The following HESX1 variants were observed in gnomAD, a reference collection of about 807,000 sequenced individuals.
HESX1 encodes homeobox expressed in ES cells 1.
Under a neutral mutation model 22.5 loss-of-function variants are expected in HESX1, and 11 were observed. That is an observed-to-expected ratio of 0.49 (90% CI 0.31 to 0.81). HESX1 has a LOEUF of 0.81. Among genes scored for constraint, HESX1 ranks in the 30% least tolerant of loss-of-function variants. The probability of loss-of-function intolerance (pLI) is 0.05; values close to 1 mark genes in which losing one functional copy is unlikely to be tolerated. For missense variants in HESX1, 201 were observed against 212.6 expected, an observed-to-expected ratio of 0.95 and a Z score of 0.34; for synonymous variants, 74 against 76.5, an observed-to-expected ratio of 0.97 and a Z score of 0.17.
At position 57,199,815 on chromosome 3, in the gene HESX1, C is replaced by CA. The variant is rs2060473533; in HGVS notation, c.103dup (p.Cys35LeufsTer23). ...CCTGTGGGGTTTCATTAATGGAACA[C>CA]AGTCTTTCTTCTGGTCCAGTCCTAA... On this transcript the variant is annotated frameshift_variant, in exon 1 of 4. Transcript: ENST00000295934. LOFTEE classifies it high-confidence loss of function. The CA allele has an allele frequency of 1.2e-6, 2 of 1,613,932 alleles. No homozygotes were observed. The highest frequency in any genetic ancestry group is 2.7e-5 in the African/African-American group (2 of 74,894).
intron 1 of HESX1, among the ~76,000 whole-genome samples, chr3:57,206,169 T>C (rs1430031502): frequency 3.3e-5 from 5 of 152,018 alleles, no homozygotes; most frequent in Admixed American, 6.6e-5. Context: ...CCAGCCTGGG[T>C]GACAGAGCGA....
At position 57,198,943 on chromosome 3, in the gene HESX1, C is replaced by T. The variant is rs1579347954; in HGVS notation, c.167G>A (p.Gly56Asp). The T allele has an allele frequency of 1.2e-6, 2 of 1,614,020 alleles. No individual in the cohort carries two copies. Among genetic ancestry groups the T allele is most frequent in the Non-Finnish European group, 1.7e-6 (2 of 1,179,948 alleles). The change falls in exon 2 of 4, where the codon GGT (glycine) becomes GAT (aspartate). Residue 56 changes from glycine to aspartate, a missense_variant. Physicochemically the swap from Gly to Asp is moderately conservative, Grantham distance 94. Coordinates refer to ENST00000295934, the MANE Select transcript of HESX1 (RefSeq NM_003865.3). The stretch of plus-strand genomic sequence containing the variant: ...ATTTGGGACATGTAGACATAAGTTA[C>T]CATCTTTCCCTAAAAACAAAAAAAT... Reference protein sequence around the residue: ...ADTCSSSGKDGNLCLHVPNPP... With the variant: ...ADTCSSSGKDDNLCLHVPNPP...
upstream of HESX1, among the ~76,000 whole-genome samples, chr3:57,202,288 A>C (rs1395727546): frequency 6.6e-6 from 1 of 152,116 alleles, no homozygotes; most frequent in Non-Finnish European, 1.5e-5. Context: ...TTATCTAAAA[A>C]TGTGAGGGAA....
rs547767155 is a variant in HESX1, at chr3:57,213,345, A to T, written c.-111+12951T>A. Among the ~76,000 whole-genome samples, 26 of 152,306 alleles carry T rather than the reference A, an allele frequency of 1.7e-4. No homozygotes were observed. The South Asian group carries it at 3.7e-3, about 22-fold the overall frequency. On this transcript the variant is annotated intron_variant, in intron 1 of 2. Coordinates refer to the HESX1 transcript ENST00000495160. Reference sequence around the variant, plus strand: ...CCATATTTCCTTCTAAGAAATCTTTACCAGTGAACACTCTCATCCAGTCAA... The same window carrying T: ...CCATATTTCCTTCTAAGAAATCTTTTCCAGTGAACACTCTCATCCAGTCAA...
At chr3:57,217,672 C>T (rs962106590) in intron 1 of HESX1, among the ~76,000 whole-genome samples, 5 of 152,106 alleles carry the variant, frequency 3.3e-5, no homozygotes, top group African/African-American at 1.2e-4. Context: ...GAGACTCTGC[C>T]TCAGGCTTCC....
At chr3:57,212,932 T>C (rs764500989) in intron 1 of HESX1, among the ~76,000 whole-genome samples, 2 of 152,120 alleles carry the variant, frequency 1.3e-5, no homozygotes, top group Non-Finnish European at 2.9e-5. Flanking sequence ...CCTAATGCTA[T>C]CCCTCCTCCA....
Position 57,198,099 on chromosome 3 carries a change from A to C in HESX1, c.*98T>G. The C allele has an allele frequency of 1.2e-6, 1 of 805,940 alleles. No individual in the cohort carries two copies. The highest frequency in any genetic ancestry group is 2.1e-6 in the Non-Finnish European group (1 of 471,702). The allele number at this position is 805,940 out of a possible 1,614,324, so 49.9% of individuals were successfully genotyped here. The stretch of plus-strand genomic sequence containing the variant: ...AGAAAAAATGACAATATTCAGATTA[A>C]ATGCAGGAAAGAAAACATCACATTT... On this transcript the variant is annotated 3_prime_UTR_variant, in exon 4 of 4. Coordinates refer to ENST00000295934, the MANE Select transcript of HESX1 (RefSeq NM_003865.3).
intron 1 of HESX1, among the ~76,000 whole-genome samples, chr3:57,218,208 C>T (rs1214584220): frequency 6.6e-6 from 1 of 152,088 alleles, no homozygotes; most frequent in Non-Finnish European, 1.5e-5. Flanking sequence ...CTCCCAGGTA[C>T]TAAGCCTAGC....
intron 1 of HESX1, among the ~76,000 whole-genome samples, chr3:57,211,217 CAAA>C (rs1331625270): frequency 2.3e-5 from 2 of 88,192 alleles, no homozygotes; most frequent in African/African-American, 4.3e-5. Flanking sequence ...AACTCCATCT[CAAA>C]AAAAAAAAAA....
rs1321483083 is a variant in HESX1, at chr3:57,198,408, C to T, written c.442G>A (p.Glu148Lys). ...AAAATTACCTGGATTCTGTCTTCCT[C>T]TAGATTCAATTTTTGAGCTAAGTCT... ...REDLAQKLNL[E>K]EDRIQIWFQN... The change falls in exon 3 of 4, where the codon GAG becomes AAG. Residue 148 changes from glutamate to lysine, a missense_variant. Transcript: ENST00000295934. 2 of 1,601,178 alleles carry T rather than the reference C, an allele frequency of 1.2e-6. No individual in the cohort carries two copies. Among genetic ancestry groups the T allele is most frequent in the East Asian group, 2.2e-5 (1 of 44,690 alleles).
At chr3:57,226,569 A>C (rs2060646490), upstream of HESX1, 1 of 152,252 alleles carries the variant, frequency 6.6e-6, no homozygotes, top group Non-Finnish European at 1.5e-5. Flanking sequence ...AACTTTAAAA[A>C]TATAATTTTA....
At position 57,199,973 on chromosome 3, in the gene HESX1, G is replaced by T. The variant is rs549020276; in HGVS notation, c.-55C>A. 7 of 1,523,482 alleles carry T rather than the reference G, an allele frequency of 4.6e-6. No homozygotes were observed. The African/African-American group carries it at 6.8e-5, about 15-fold the overall frequency. 94.4% of individuals were successfully genotyped at this position (1,523,482 alleles called of 1,614,324 possible). On this transcript the variant is annotated 5_prime_UTR_variant, in exon 1 of 4. Transcript: ENST00000295934. The stretch of plus-strand genomic sequence containing the variant: ...CTGGCCTCTGCTGGCTCTGCCCCAC[G>T]TGTATAGGGCTGGGATCTTCCTGCA...
chr3:57,216,744 C>G (rs1286884060), intron 1 of HESX1, among the ~76,000 whole-genome samples: 6 of 152,138 alleles, frequency 3.9e-5, no homozygotes, highest in African/African-American at 1.4e-4. Context: ...TTTGATATGT[C>G]CCATTACTGG....
At chr3:57,201,793 CTTT>C (rs1199985453), upstream of HESX1, among the ~76,000 whole-genome samples, 16 of 151,810 alleles carry the variant, frequency 1.1e-4, no homozygotes, top group Admixed American at 2.0e-4. Flanking sequence ...TCAACTTCTT[CTTT>C]ATTAACAAAG....
chr3:57,208,623 T>G lies in HESX1; in HGVS notation c.-110-8595A>C, dbSNP rs112528276. 1.2e-3 allele frequency among the ~76,000 whole-genome samples: 187 copies of G among 149,612 alleles called. 1 individual carries two copies. The highest frequency in any genetic ancestry group is 4.4e-3 in the African/African-American group (179 of 40,956). On this transcript the variant is annotated intron_variant, in intron 1 of 2. Transcript: ENST00000495160. ...CCTTGGCCTCCCAAAGTGCTGAGAT[T>G]ACAGGCGTGAGCCACGGTGCCCGGA...
Position 57,198,137 on chromosome 3 carries a change from TTTCCACTGATTC to T in HESX1, c.*48_*59del. 9.5e-7 allele frequency: 1 copy of T among 1,050,744 alleles called. No homozygotes were observed. Among genetic ancestry groups the T allele is most frequent in the Non-Finnish European group, 1.5e-6 (1 of 673,734 alleles). The allele number at this position is 1,050,744 out of a possible 1,614,324, so 65.1% of individuals were successfully genotyped here. Reference sequence around the variant, plus strand: ...AAACATCACATTTTAACACTTAATATTTCCACTGATTCTTCATGCTCTGCAATTAGAAGATAA... The same window carrying T: ...AAACATCACATTTTAACACTTAATATTTCATGCTCTGCAATTAGAAGATAA... On this transcript the variant is annotated 3_prime_UTR_variant, in exon 4 of 4. Coordinates refer to ENST00000295934, the MANE Select transcript of HESX1 (RefSeq NM_003865.3).
intron 1 of HESX1, among the ~76,000 whole-genome samples, chr3:57,211,693 C>T (rs1028488339): frequency 2.0e-5 from 3 of 151,740 alleles, no homozygotes; most frequent in Non-Finnish European, 2.9e-5. Context: ...ATTAGCCGGA[C>T]GTAGTGGCAA....
upstream of HESX1, among the ~76,000 whole-genome samples, chr3:57,202,487 C>T (rs146904769): frequency 2.0e-3 from 297 of 152,170 alleles, 1 homozygote; most frequent in African/African-American, 6.8e-3. Flanking sequence ...ACGTGTGCAC[C>T]ACCAAGCCTG....
At position 57,214,955 on chromosome 3, in the gene HESX1, TAC is replaced by T. The variant is rs1221489319; in HGVS notation, c.-111+11339_-111+11340del. On this transcript the variant is annotated intron_variant, in intron 1 of 2. Transcript: ENST00000495160. ...AATACAAATTGTATTTCTAATTATA[TAC>T]ACAAATGGGCAAGTATTTAGCAAAC... 3.9e-5 allele frequency among the ~76,000 whole-genome samples: 6 copies of T among 152,250 alleles called. No individual in the cohort carries two copies. The East Asian group carries it at 1.2e-3, about 29-fold the overall frequency.
Sources: allele counts gnomAD v4.1 joint callset (sites outside exome capture counted in the v4.1 genomes callset), GRCh38; gene constraint gnomAD v4.1.1; transcripts MANE v1.5; gene names NCBI Gene and HGNC (gene_info 2026-07-23, HGNC 2026-07-21).